The following DPH7 variants were observed in gnomAD, a reference collection of about 807,000 sequenced individuals.
The protein encoded by DPH7 is diphthine methyltransferase.
A neutral mutation model predicts 41.7 loss-of-function variants in DPH7; 44 were observed. That is an observed-to-expected ratio of 1.05 (90% confidence interval 0.83 to 1.36). DPH7 has a LOEUF of 1.36. DPH7 is among the 40% of genes most tolerant of loss of function. The probability of loss-of-function intolerance (pLI) is 0.00; values close to 1 mark genes in which losing one functional copy is unlikely to be tolerated. For synonymous variants in DPH7, 275 were observed against 238.0 expected, an observed-to-expected ratio of 1.16 and a Z score of -1.43; for missense variants, 629 against 577.5, an observed-to-expected ratio of 1.09 and a Z score of -0.91.
Position 137,578,709 on chromosome 9 carries a change from C to T in DPH7, c.69G>A (p.Pro23=), listed in dbSNP as rs1449509923. 6.5e-7 allele frequency: 1 copy of T among 1,531,562 alleles called. No individual in the cohort carries two copies. The highest frequency in any genetic ancestry group is 1.2e-5 in the South Asian group (1 of 82,286). The allele number at this position is 1,531,562 out of a possible 1,614,324, so 94.9% of individuals were successfully genotyped here. A position where few individuals can be genotyped will look rare whatever the true frequency, so the allele number is the denominator to read the frequency against. Residue 23 remains proline (P), a synonymous_variant, in exon 1 of 9, where the codon CCG becomes CCA. Coordinates refer to ENST00000277540, the MANE Select transcript of DPH7 (RefSeq NM_138778.5). The part of the protein sequence containing the change: ...ELTADSVEWC[P]LQGCRHLLAC... The stretch of plus-strand genomic sequence containing the variant: ...CCAGCAGGTGCCTGCAGCCTTGCAG[C>T]GGGCACCACTCCACCGAGTCCGCGG...
chr9:137,557,742 C>T (rs772032938), intron 8 of DPH7, among the ~76,000 whole-genome samples: 1 of 151,980 alleles, frequency 6.6e-6, no homozygotes, highest in Non-Finnish European at 1.5e-5. Flanking sequence ...TCCCCTGAAC[C>T]TGTGAGGTGG....
chr9:137,571,074 C>T (rs1057331518), intron 5 of DPH7, among the ~76,000 whole-genome samples: 2 of 152,158 alleles, frequency 1.3e-5, no homozygotes. Flanking sequence ...AGGAGGATCG[C>T]TTGACCCTGG....
At chr9:137,576,456 G>A in intron 2 of DPH7, 1 of 345,230 alleles carries the variant, frequency 2.9e-6, no homozygotes, top group Non-Finnish European at 5.5e-6. Flanking sequence ...AAAAACAGGT[G>A]GCCGGGCATG....
At chr9:137,561,377 TAAA>T (rs1239455528) in intron 8 of DPH7, among the ~76,000 whole-genome samples, 1 of 150,888 alleles carries the variant, frequency 6.6e-6, no homozygotes, top group African/African-American at 2.4e-5. Context: ...TCGTCTCCAA[TAAA>T]AATACAAAAA....
At chr9:137,572,717 C>T (rs1328645187) in intron 5 of DPH7, among the ~76,000 whole-genome samples, 3 of 152,232 alleles carry the variant, frequency 2.0e-5, no homozygotes, top group African/African-American at 7.2e-5. Flanking sequence ...TTCCTGGAAA[C>T]ACCAGTTGTT....
At chr9:137,575,594 C>T (rs1188711871) in intron 3 of DPH7, 8 of 1,004,666 alleles carry the variant, frequency 8.0e-6, no homozygotes, top group African/African-American at 1.7e-5. Flanking sequence ...GTTTACATCA[C>T]CCCACTACGG....
intron 8 of DPH7, among the ~76,000 whole-genome samples, chr9:137,555,918 G>A (rs1199757586): frequency 3.3e-5 from 5 of 152,162 alleles, no homozygotes; most frequent in East Asian, 1.9e-4. Context: ...TGAAGAATAC[G>A]GCAAAAGCCA....
At position 137,578,886 on chromosome 9, in the gene DPH7, C is replaced by T; in HGVS notation, c.-109G>A. On this transcript the variant is annotated 5_prime_UTR_variant, in exon 1 of 9. Transcript: ENST00000277540. ...GGGGCCGGCCGGACGAGCGCAGAGC[C>T]CCAGGGACACCGTCAGCGCGGGCCG... is the stretch of plus-strand genomic sequence containing the variant. 1 of 1,155,880 alleles carries T rather than the reference C, an allele frequency of 8.7e-7. No homozygotes were observed. The highest frequency in any genetic ancestry group is 3.2e-5 in the East Asian group (1 of 30,796). The allele number at this position is 1,155,880 out of a possible 1,614,324, so 71.6% of individuals were successfully genotyped here.
intron 4 of DPH7, 49 bp downstream of exon 4, chr9:137,574,703 G>C: frequency 6.4e-7 from 1 of 1,573,078 alleles, no homozygotes; most frequent in Non-Finnish European, 8.7e-7. Context: ...AAAAGTGGAA[G>C]TGGTTCTCAG....
rs925844147 is a variant in DPH7 at position 137,574,526 on chromosome 9, C to T, written c.468-146G>A. 4.5e-5 allele frequency: 41 copies of T among 913,398 alleles called. No individual in the cohort carries two copies. The African/African-American group carries it at 6.7e-4, about 15-fold the overall frequency. 56.6% of individuals were successfully genotyped at this position (913,398 alleles called of 1,614,324 possible). ...AGACTGGCGGCTAAGATCACAACCA[C>T]TGCTAAGCTTGTCAAAGACACCAGT... On this transcript the variant is annotated intron_variant, in intron 4 of 8. Transcript: ENST00000277540.
chr9:137,578,824 C>A lies in DPH7; in HGVS notation c.-47G>T. ...GGAGCCGGCAGTAGAGGCGGGTCGG[C>A]GGGGCCGGGCTGGGTACTGCGCGGG... On this transcript the variant is annotated 5_prime_UTR_variant, in exon 1 of 9. Coordinates refer to ENST00000277540, the MANE Select transcript of DPH7 (RefSeq NM_138778.5). The A allele has an allele frequency of 7.2e-7, 1 of 1,384,400 alleles. No homozygotes were observed. The highest frequency in any genetic ancestry group is 1.5e-5 in the African/African-American group (1 of 66,060). 85.8% of individuals were successfully genotyped at this position (1,384,400 alleles called of 1,614,324 possible).
rs537440589 is a variant in DPH7 at position 137,564,317 on chromosome 9, G to A, written c.949+117C>T. On this transcript the variant is annotated intron_variant, in intron 8 of 8. Transcript: ENST00000277540. ...GCGACGCTGGGAGTGTGTAAAAGCT[G>A]AGGGAAGAGCCCAGCAGAGCAAGGG... 9 of 1,316,970 alleles carry A rather than the reference G, an allele frequency of 6.8e-6. No homozygotes were observed. The East Asian group carries it at 2.0e-4, about 29-fold the overall frequency. The allele number at this position is 1,316,970 out of a possible 1,614,324, so 81.6% of individuals were successfully genotyped here.
rs768738176 is a variant in DPH7, at chr9:137,577,588, T to TAA, written c.167_168dup (p.Lys57LeufsTer8). ...CGGCCTAAACGGACCTGAGGCTCCT[T>TAA]AACTTCCATTCCACCCTACAAAAAA... On this transcript the variant is annotated frameshift_variant, in exon 2 of 9. Coordinates refer to ENST00000277540, the MANE Select transcript of DPH7 (RefSeq NM_138778.5). LOFTEE classifies it high-confidence loss of function. 6.2e-7 allele frequency: 1 copy of TAA among 1,613,834 alleles called. No individual in the cohort carries two copies. The highest frequency in any genetic ancestry group is 8.5e-7 in the Non-Finnish European group (1 of 1,179,858).
rs371780538 is a variant in DPH7, at chr9:137,555,604, C to A, written c.994G>T (p.Asp332Tyr). 2 of 1,612,070 alleles carry A rather than the reference C, an allele frequency of 1.2e-6. No homozygotes were observed. The highest frequency in any genetic ancestry group is 2.2e-5 in the East Asian group (1 of 44,830). ...ATVLTSHTLP[D>Y]SLVYGADWSW... is the part of the protein sequence containing the mutation. ...CAGTCGGCTCCATACACCAGCGAGT[C>A]GGGCAATGTGTGAGATGTCAGGACC... Residue 332 changes from aspartate to tyrosine, a missense_variant, in exon 9 of 9, where the codon GAC (aspartate) becomes TAC (tyrosine). Transcript: ENST00000277540.
At chr9:137,574,509 G>T in intron 4 of DPH7, 129 bp from the exon 5 acceptor site, 1 of 1,014,064 alleles carries the variant, frequency 9.9e-7, no homozygotes, top group Non-Finnish European at 1.4e-6. Context: ...AGAGACTGGC[G>T]GCTAAGATCA....
Position 137,556,653 on chromosome 9 carries a change from G to A in DPH7, c.950-1005C>T. Reference sequence around the variant, plus strand: ...TGAATGTTCAGAGACAGCCACAGGGGCCCTCGAGCAGCATGTGTGGGGCGA... The same window carrying A: ...TGAATGTTCAGAGACAGCCACAGGGACCCTCGAGCAGCATGTGTGGGGCGA... On this transcript the variant is annotated intron_variant, in intron 8 of 8. Transcript: ENST00000277540. This position sits in a 1 kb window ranked among gnomAD's most constrained non-coding sequence, Gnocchi z 5.2. The A allele has an allele frequency of 2.8e-6, 1 of 354,726 alleles. No individual in the cohort carries two copies. Among genetic ancestry groups the A allele is most frequent in the Non-Finnish European group, 5.6e-6 (1 of 179,120 alleles). 22.0% of individuals were successfully genotyped at this position (354,726 alleles called of 1,614,324 possible). A position where few individuals can be genotyped will look rare whatever the true frequency, so the allele number is the denominator to read the frequency against.
At chr9:137,564,324 G>C (rs1839157677) in intron 8 of DPH7, 110 bp downstream of exon 8, 1 of 1,354,294 alleles carries the variant, frequency 7.4e-7, no homozygotes, top group Non-Finnish European at 1.0e-6. Flanking sequence ...GCTGAGGGAA[G>C]AGCCCAGCAG....
At chr9:137,574,926 C>T (rs1045734612) in intron 3 of DPH7, 83 bp from the exon 4 acceptor site, 2 of 1,587,016 alleles carry the variant, frequency 1.3e-6, no homozygotes, top group African/African-American at 2.7e-5. Flanking sequence ...GCAGGGAAGT[C>T]ATCGTTCCCT....
intron 3 of DPH7, 140 bp from the exon 4 acceptor site, chr9:137,574,983 C>T (rs1020939194): frequency 1.4e-6 from 2 of 1,462,300 alleles, no homozygotes; most frequent in African/African-American, 2.8e-5. Flanking sequence ...TGAGTCACAC[C>T]TCCACCTAAC....
Sources: gnomAD v4.1 joint callset for allele counts (sites outside exome capture counted in the v4.1 genomes callset) on GRCh38, gnomAD v4.1.1 for gene constraint, Gnocchi (gnomAD v3.1) non-coding constraint, MANE v1.5 for transcripts, NCBI Gene and HGNC (gene_info 2026-07-23, HGNC 2026-07-21) for gene names.